Variants in IGF2BP3 observed in about 807,000 individuals in gnomAD.
IGF2BP3 encodes the protein insulin like growth factor 2 mRNA binding protein 3, also known as insulin-like growth factor 2 mRNA-binding protein 3.
IGF2BP3 carries 9 observed loss-of-function variants against 73.8 expected under a neutral mutation model. The observed-to-expected ratio is 0.12, with a 90% CI of 0.07 to 0.21. The LOEUF (loss-of-function observed/expected upper bound fraction) is 0.21, where lower values mean the gene tolerates loss of function less well. Among genes scored for constraint, IGF2BP3 ranks in the 10% least tolerant of loss-of-function variants. The pLI is 1.00. For missense variants in IGF2BP3, 542 were observed against 714.0 expected, an observed-to-expected ratio of 0.76 and a Z score of 2.75; for synonymous variants, 258 against 256.7, an observed-to-expected ratio of 1.01 and a Z score of -0.05.
chr7:23,383,659 T>G (rs1003677995), intron 3 of IGF2BP3, among the ~76,000 whole-genome samples: 1 of 152,150 alleles, frequency 6.6e-6, no homozygotes, highest in African/African-American at 2.4e-5. Flanking sequence ...TGAAAACACA[T>G]GTTCACACAA....
At chr7:23,403,814 G>A (rs536517866) in intron 3 of IGF2BP3, among the ~76,000 whole-genome samples, 2 of 152,064 alleles carry the variant, frequency 1.3e-5, no homozygotes, top group Non-Finnish European at 2.9e-5. Flanking sequence ...AATATAACAA[G>A]AAGAGAATCC....
At chr7:23,363,982 T>C (rs1785299895) in intron 3 of IGF2BP3, among the ~76,000 whole-genome samples, 1 of 152,262 alleles carries the variant, frequency 6.6e-6, no homozygotes, top group South Asian at 2.1e-4. Context: ...CTCATGCCTG[T>C]AATCCCAGCA....
intron 11 of IGF2BP3, 30 bp from the exon 12 acceptor site, chr7:23,317,743 AC>A (rs1431397445): frequency 6.3e-7 from 1 of 1,581,274 alleles, no homozygotes; most frequent in South Asian, 1.1e-5. Flanking sequence ...AAGTTATGAT[AC>A]TTTCAGGTAT....
chr7:23,317,964 C>A (rs1385121571), intron 11 of IGF2BP3: 11 of 517,442 alleles, frequency 2.1e-5, no homozygotes, highest in Admixed American at 6.1e-5. Context: ...ATCCTCACCA[C>A]GTCCTGATGA....
At chr7:23,386,524 A>G (rs1786087004) in intron 3 of IGF2BP3, among the ~76,000 whole-genome samples, 1 of 152,278 alleles carries the variant, frequency 6.6e-6, no homozygotes, top group African/African-American at 2.4e-5. Flanking sequence ...TCAGAACAGC[A>G]AAATAGTTAA....
At chr7:23,330,268 A>AG (rs1214192013) in intron 10 of IGF2BP3, among the ~76,000 whole-genome samples, 1 of 151,818 alleles carries the variant, frequency 6.6e-6, no homozygotes. Flanking sequence ...CCCGGGTGAC[A>AG]GTACAAGACT....
At chr7:23,449,554 C>CTTTTTTTT (rs376571131) in intron 2 of IGF2BP3, among the ~76,000 whole-genome samples, 18 of 106,960 alleles carry the variant, frequency 1.7e-4, no homozygotes, top group Admixed American at 3.3e-4. Context: ...TTTTCTTTTT[C>CTTTTTTTT]TTTTTTTTTT....
intron 2 of IGF2BP3, among the ~76,000 whole-genome samples, chr7:23,459,365 T>C (rs960970344): frequency 3.9e-5 from 6 of 152,330 alleles, no homozygotes; most frequent in African/African-American, 1.4e-4. Context: ...ATTTCTTCTA[T>C]TTCTTTTAGC....
chr7:23,335,249 A>C (rs894257734), intron 10 of IGF2BP3, among the ~76,000 whole-genome samples: 1 of 151,762 alleles, frequency 6.6e-6, no homozygotes, highest in Non-Finnish European at 1.5e-5. Context: ...AGACTCCCTG[A>C]AACACTCATC....
intron 3 of IGF2BP3, among the ~76,000 whole-genome samples, chr7:23,398,158 C>T (rs1323493151): frequency 1.3e-5 from 2 of 150,646 alleles, no homozygotes; most frequent in Admixed American, 1.3e-4. Flanking sequence ...TGAGAACATG[C>T]AGTGGTTGGT....
intron 3 of IGF2BP3, among the ~76,000 whole-genome samples, chr7:23,396,045 T>A (rs1786449956): frequency 6.7e-6 from 1 of 149,510 alleles, no homozygotes. Context: ...CAGTGAGTTT[T>A]TTTTTTTTTT....
intron 2 of IGF2BP3, among the ~76,000 whole-genome samples, chr7:23,454,281 A>G (rs1014669025): frequency 3.3e-5 from 5 of 152,176 alleles, no homozygotes; most frequent in Admixed American, 2.0e-4. Flanking sequence ...AGATAATTCC[A>G]TAACTAAACA....
intron 10 of IGF2BP3, among the ~76,000 whole-genome samples, chr7:23,330,674 C>T (rs928022669): frequency 1.1e-4 from 16 of 152,188 alleles, no homozygotes; most frequent in Admixed American, 9.2e-4. Context: ...GAACTCCTGA[C>T]CTCAGGTGAT....
chr7:23,444,889 G>C (rs1220541196), intron 2 of IGF2BP3, among the ~76,000 whole-genome samples: 1 of 152,120 alleles, frequency 6.6e-6, no homozygotes. Flanking sequence ...GCAACATAGA[G>C]TTCCCATCTC....
chr7:23,335,200 T>G (rs1049526784), intron 10 of IGF2BP3, among the ~76,000 whole-genome samples: 1 of 150,208 alleles, frequency 6.7e-6, no homozygotes, highest in Non-Finnish European at 1.5e-5. Context: ...AACAAAAGAG[T>G]TGCACCCACT....
At chr7:23,464,890 T>C (rs372056626) in intron 2 of IGF2BP3, among the ~76,000 whole-genome samples, 7 of 152,218 alleles carry the variant, frequency 4.6e-5, no homozygotes, top group Non-Finnish European at 1.0e-4. Flanking sequence ...GGAAGTTTAA[T>C]AAAAATATGC....
chr7:23,397,462 C>A (rs1363355393), intron 3 of IGF2BP3, among the ~76,000 whole-genome samples: 2 of 152,178 alleles, frequency 1.3e-5, no homozygotes, highest in African/African-American at 2.4e-5. Context: ...GAACTGCAGC[C>A]GTCTCCTCTA....
At chr7:23,444,885 T>C (rs910629415) in intron 2 of IGF2BP3, among the ~76,000 whole-genome samples, 17 of 151,858 alleles carry the variant, frequency 1.1e-4, no homozygotes, top group African/African-American at 2.7e-4. Flanking sequence ...TTGAGCAACA[T>C]AGAGTTCCCA....
intron 3 of IGF2BP3, among the ~76,000 whole-genome samples, chr7:23,383,385 C>T (rs1302952115): frequency 2.0e-5 from 3 of 152,148 alleles, no homozygotes; most frequent in Non-Finnish European, 4.4e-5. Context: ...TGAAAAGATG[C>T]TTGATATCAT....
Sources: allele counts gnomAD v4.1 joint callset (sites outside exome capture counted in the v4.1 genomes callset), GRCh38; gene constraint gnomAD v4.1.1; transcripts MANE v1.5; gene names NCBI Gene and HGNC (gene_info 2026-07-23, HGNC 2026-07-21).